Variants in PSPC1 observed in about 807,000 individuals in gnomAD.
PSPC1 encodes the protein paraspeckle component 1, also known as paraspeckle protein 1.
In PSPC1, 14 loss-of-function variants were observed where a neutral mutation model predicts 51.6. The ratio of observed to expected loss-of-function variants is 0.27; its 90% CI spans 0.18 to 0.42. The LOEUF (loss-of-function observed/expected upper bound fraction) is 0.42, where lower values mean the gene tolerates loss of function less well. PSPC1 is among the 10% of genes least tolerant of loss of function. PSPC1 has a pLI of 1.00. For missense variants in PSPC1, 406 were observed against 701.1 expected, an observed-to-expected ratio of 0.58 and a Z score of 4.75; for synonymous variants, 193 against 231.9, an observed-to-expected ratio of 0.83 and a Z score of 1.53.
At chr13:19,768,888 G>T (rs1289669197) in intron 2 of PSPC1, among the ~76,000 whole-genome samples, 5 of 148,550 alleles carry the variant, frequency 3.4e-5, no homozygotes, top group Non-Finnish European at 7.4e-5. Context: ...TAATCCCAGC[G>T]CTTAGGGAAA....
chr13:19,733,364 A>G (rs1020365493), intron 5 of PSPC1, among the ~76,000 whole-genome samples: 2 of 152,184 alleles, frequency 1.3e-5, no homozygotes, highest in African/African-American at 4.8e-5. Flanking sequence ...TTGGTGGCTC[A>G]CACCTGTAAT....
chr13:19,773,030 C>T (rs1268374283), intron 1 of PSPC1, among the ~76,000 whole-genome samples: 5 of 151,830 alleles, frequency 3.3e-5, no homozygotes, highest in South Asian at 4.2e-4. Context: ...GGCGTGGTGG[C>T]GGGTGCCTTA....
intron 5 of PSPC1, among the ~76,000 whole-genome samples, chr13:19,738,920 A>AAAAAC (rs1435642920): frequency 2.0e-5 from 3 of 151,666 alleles, no homozygotes; most frequent in Admixed American, 1.3e-4. Flanking sequence ...AAAAAAAAAA[A>AAAAAC]AGAGAATGAC....
chr13:19,749,526 CAA>C (rs777351117), intron 4 of PSPC1, among the ~76,000 whole-genome samples: 19 of 98,284 alleles, frequency 1.9e-4, no homozygotes, highest in Admixed American at 3.1e-4. Context: ...GATTCTGTCT[CAA>C]AAAAAAAAAA....
At chr13:19,677,696 A>G (rs1876821602) in intron 7 of PSPC1, 2 of 427,748 alleles carry the variant, frequency 4.7e-6, no homozygotes, top group Non-Finnish European at 4.6e-6. Context: ...AGGATCTGTT[A>G]GAAAATAATG....
intron 1 of PSPC1, among the ~76,000 whole-genome samples, chr13:19,774,091 T>A (rs1888869226): frequency 6.6e-6 from 1 of 152,194 alleles, no homozygotes; most frequent in Admixed American, 6.6e-5. Context: ...CATATACACT[T>A]ACTATAAACT....
In PSPC1 at chr13:19,707,724, T is replaced by C. The variant is rs1195292396; in HGVS notation, c.1216+1818A>G. 2.6e-5 allele frequency among the ~76,000 whole-genome samples: 4 copies of C among 152,304 alleles called. No homozygotes were observed. The East Asian group carries it at 7.7e-4, about 29-fold the overall frequency. ...TAAAGGCATATTCTGATATTTCTTC[T>C]GATAAAATTGCAGAGTATCTCTGCA... On this transcript the variant is annotated intron_variant, in intron 7 of 8. Coordinates refer to ENST00000338910, the MANE Select transcript of PSPC1 (RefSeq NM_001354909.2).
chr13:19,782,281 C>G lies in PSPC1; in HGVS notation c.372+105G>C. 1 of 1,426,050 alleles carries G rather than the reference C, an allele frequency of 7.0e-7. No individual in the cohort carries two copies. Among genetic ancestry groups the G allele is most frequent in the East Asian group, 2.6e-5 (1 of 37,804 alleles). The allele number at this position is 1,426,050 out of a possible 1,614,324, so 88.3% of individuals were successfully genotyped here. On this transcript the variant is annotated intron_variant, in intron 1 of 8. Transcript: ENST00000338910. This position sits in a 1 kb window ranked among gnomAD's most constrained non-coding sequence, Gnocchi z 4.5. ...ATGAGGCCGAGCGGCGCCACGGTTG[C>G]CACAGGTTGAGACAGCGTCCTAGGA...
chr13:19,728,029 A>C (rs1313682597), intron 6 of PSPC1, among the ~76,000 whole-genome samples: 2 of 152,172 alleles, frequency 1.3e-5, no homozygotes, highest in Admixed American at 1.3e-4. Context: ...TCAAGTATTA[A>C]ATAAAACTGA....
intron 2 of PSPC1, among the ~76,000 whole-genome samples, chr13:19,768,102 G>A (rs1385939616): frequency 1.3e-5 from 2 of 151,948 alleles, no homozygotes; most frequent in Non-Finnish European, 2.9e-5. Context: ...GCACATGCCT[G>A]TAGTCCTAGC....
intron 3 of PSPC1, among the ~76,000 whole-genome samples, chr13:19,755,921 G>A (rs1220066679): frequency 6.6e-6 from 1 of 151,962 alleles, no homozygotes; most frequent in African/African-American, 2.4e-5. Flanking sequence ...TAACACAAAG[G>A]CACTCCAAGT....
At chr13:19,709,114 G>A (rs192049331) in intron 7 of PSPC1, among the ~76,000 whole-genome samples, 1 of 139,792 alleles carries the variant, frequency 7.2e-6, no homozygotes, top group Non-Finnish European at 1.5e-5. Context: ...AGCCAAGTTT[G>A]TGCCACTGTA....
chr13:19,727,039 T>C (rs965933955), intron 6 of PSPC1, among the ~76,000 whole-genome samples: 2 of 152,198 alleles, frequency 1.3e-5, no homozygotes, highest in Non-Finnish European at 2.9e-5. Flanking sequence ...CTGAAAAGGG[T>C]ATGAAGAATT....
chr13:19,690,866 C>T (rs150959743), intron 6 of PSPC1, among the ~76,000 whole-genome samples: 3 of 152,250 alleles, frequency 2.0e-5, no homozygotes, highest in African/African-American at 7.2e-5. Context: ...ACTATTTACT[C>T]GTCCTCCCTG....
intron 6 of PSPC1, among the ~76,000 whole-genome samples, chr13:19,721,294 T>C (rs1882737875): frequency 1.3e-5 from 2 of 152,162 alleles, no homozygotes; most frequent in Non-Finnish European, 1.5e-5. Context: ...AAAATTATTA[T>C]TAGTTATATT....
intron 1 of PSPC1, among the ~76,000 whole-genome samples, chr13:19,780,280 T>C (rs1889801787): frequency 7.0e-6 from 1 of 142,074 alleles, no homozygotes; most frequent in Non-Finnish European, 1.6e-5. Flanking sequence ...GAGGAGCCCC[T>C]CTGCCTGGCC....
At chr13:19,690,696 A>T (rs574182491) in intron 6 of PSPC1, among the ~76,000 whole-genome samples, 1 of 152,298 alleles carries the variant, frequency 6.6e-6, no homozygotes, top group South Asian at 2.1e-4. Context: ...TCTAAATTTT[A>T]TATTGATCGT....
chr13:19,724,976 C>T (rs1355064714), intron 6 of PSPC1, among the ~76,000 whole-genome samples: 4 of 149,868 alleles, frequency 2.7e-5, no homozygotes, highest in Non-Finnish European at 4.4e-5. Context: ...TCCAGCCTGG[C>T]GAGACAGCAA....
chr13:19,765,704 A>T (rs1888009236), intron 2 of PSPC1, among the ~76,000 whole-genome samples: 1 of 120,956 alleles, frequency 8.3e-6, no homozygotes, highest in African/African-American at 3.0e-5. Context: ...CTTTACAAAT[A>T]ACTACAAATA....
Sources: allele counts gnomAD v4.1 joint callset (sites outside exome capture counted in the v4.1 genomes callset), GRCh38; gene constraint gnomAD v4.1.1; non-coding constraint Gnocchi (gnomAD v3.1); transcripts MANE v1.5; gene names NCBI Gene and HGNC (gene_info 2026-07-23, HGNC 2026-07-21).